C6: variants seen among roughly 807,000 people sequenced by gnomAD.
C6 encodes the protein complement C6.
A neutral mutation model predicts 112.9 loss-of-function variants in C6; 101 were observed. That is an observed-to-expected ratio of 0.89 (90% CI 0.76 to 1.06). C6 has a LOEUF of 1.06. Ranked by LOEUF, C6 falls within the 50% of genes least tolerant of loss-of-function variation. C6 has a pLI of 0.00. For missense variants in C6, 1,202 were observed against 1,104.6 expected (o/e 1.09, Z -1.25); for synonymous variants, 431 against 384.1 (o/e 1.12, Z -1.43).
intron 10 of C6, among the ~76,000 whole-genome samples, 186 bp downstream of exon 10, chr5:41,161,506 GT>G (rs1181430649): frequency 6.6e-6 from 1 of 152,032 alleles, no homozygotes; most frequent in Non-Finnish European, 1.5e-5. Flanking sequence ...TTGAATGCTT[GT>G]TTGAATAGCA....
intron 7 of C6, 32 bp downstream of exon 7, chr5:41,181,327 A>G (rs1345629531): frequency 6.3e-7 from 1 of 1,584,214 alleles, no homozygotes; most frequent in South Asian, 1.1e-5. Context: ...ATTTTCAAGA[A>G]AGAATAAAAG....
In C6 at chr5:41,180,904, A is replaced by T. The variant is rs113710830; in HGVS notation, c.927+455T>A. ...GGAATATAAGAGGAAAAAAATGGAG[A>T]TAGGTAAATGTGCGTGTGTTTACAT... On this transcript the variant is annotated intron_variant, in intron 7 of 17. Transcript: ENST00000337836. Among the ~76,000 whole-genome samples the T allele has an allele frequency of 2.0e-3, 307 of 151,840 alleles. 1 individual carries two copies. Among genetic ancestry groups the T allele is most frequent in the African/African-American group, 7.2e-3 (299 of 41,504 alleles).
intron 1 of C6, among the ~76,000 whole-genome samples, chr5:41,230,219 A>AT (rs1739804336): frequency 6.6e-6 from 1 of 152,162 alleles, no homozygotes; most frequent in South Asian, 2.1e-4. Flanking sequence ...AAAGAACAGC[A>AT]TAACAGGGAA....
At chr5:41,251,245 A>G (rs765255436) in intron 1 of C6, among the ~76,000 whole-genome samples, 12 of 152,200 alleles carry the variant, frequency 7.9e-5, no homozygotes, top group Non-Finnish European at 1.5e-4. Context: ...GGCCAAAAGG[A>G]ACTTATTTAA....
At chr5:41,223,828 T>A (rs892780972) in intron 1 of C6, among the ~76,000 whole-genome samples, 4 of 152,198 alleles carry the variant, frequency 2.6e-5, no homozygotes, top group Non-Finnish European at 5.9e-5. Flanking sequence ...TTCTTTATTT[T>A]CCTTCTCCAG....
intron 17 of C6, among the ~76,000 whole-genome samples, chr5:41,145,497 A>G (rs1580013368): frequency 6.6e-6 from 1 of 152,210 alleles, no homozygotes; most frequent in Non-Finnish European, 1.5e-5. Context: ...CATGTTGCCA[A>G]AATACCTGAG....
chr5:41,254,546 G>A (rs190449385), intron 1 of C6, among the ~76,000 whole-genome samples: 11 of 152,250 alleles, frequency 7.2e-5, no homozygotes, highest in Non-Finnish European at 1.2e-4. Flanking sequence ...TATATCACCA[G>A]CCTCATTATA....
At chr5:41,179,589 T>C (rs1749150674) in intron 7 of C6, among the ~76,000 whole-genome samples, 1 of 151,448 alleles carries the variant, frequency 6.6e-6, no homozygotes, top group Admixed American at 6.6e-5. Flanking sequence ...GATACTATCT[T>C]GTCTTACAAA....
At position 41,246,177 on chromosome 5, in the gene C6, A is replaced by G. The variant is rs535325514; in HGVS notation, c.-21+15017T>C. ...GAACTCCAAATTTTAGTCCCAGTCT[A>G]AAAGTCTGCTACTCTCTTAGTATCT... On this transcript the variant is annotated intron_variant, in intron 1 of 17. Coordinates refer to the C6 transcript ENST00000263413. Among the ~76,000 whole-genome samples the G allele has an allele frequency of 2.6e-5, 4 of 152,302 alleles. No individual in the cohort carries two copies. The South Asian group carries it at 8.3e-4, about 32-fold the overall frequency.
At chr5:41,237,001 C>A (rs1487683432) in intron 1 of C6, among the ~76,000 whole-genome samples, 4 of 151,640 alleles carry the variant, frequency 2.6e-5, no homozygotes, top group Non-Finnish European at 5.9e-5. Context: ...TTCCTCGACA[C>A]ATACACTCTC....
chr5:41,217,649 T>G (rs1752241198), upstream of C6, among the ~76,000 whole-genome samples: 1 of 152,152 alleles, frequency 6.6e-6, no homozygotes, highest in Non-Finnish European at 1.5e-5. Context: ...TTCTTTGGAA[T>G]GGAAAGAAAA....
At chr5:41,256,637 T>C (rs539705016) in intron 1 of C6, among the ~76,000 whole-genome samples, 1 of 152,262 alleles carries the variant, frequency 6.6e-6, no homozygotes, top group East Asian at 1.9e-4. Context: ...ATATAAGTTC[T>C]CTGGCATAAA....
intron 1 of C6, among the ~76,000 whole-genome samples, chr5:41,253,420 G>T (rs747413385): frequency 1.3e-5 from 2 of 151,608 alleles, no homozygotes; most frequent in Non-Finnish European, 2.9e-5. Flanking sequence ...TTGTTACCCT[G>T]CCCTGTGAAC....
chr5:41,158,668 G>A lies in C6; in HGVS notation c.1968+6C>T. The A allele has an allele frequency of 1.9e-6, 3 of 1,540,766 alleles. No individual in the cohort carries two copies. The highest frequency in any genetic ancestry group is 1.1e-5 in the South Asian group (1 of 89,620). On this transcript the variant is annotated splice_donor_region_variant and intron_variant, in intron 13 of 17. Coordinates refer to ENST00000337836, the MANE Select transcript of C6 (RefSeq NM_000065.5). ...ACAAACCAAAAGTGAGGTTTAGGAT[G>A]CTGACCCGGATAAATCCATTTTCTG... is the stretch of plus-strand genomic sequence containing the variant.
chr5:41,161,548 A>T (rs1012856803), intron 10 of C6, 145 bp downstream of exon 10: 10 of 722,438 alleles, frequency 1.4e-5, no homozygotes, highest in Non-Finnish European at 2.2e-5. Context: ...TAACATTTAA[A>T]AAAAGGTACA....
intron 1 of C6, among the ~76,000 whole-genome samples, chr5:41,238,444 A>G (rs1445301349): frequency 6.6e-6 from 1 of 152,222 alleles, no homozygotes; most frequent in Non-Finnish European, 1.5e-5. Context: ...TTCTTTATTA[A>G]TAAATAATAA....
At chr5:41,174,380 C>G (rs1486316420) in intron 8 of C6, among the ~76,000 whole-genome samples, 5 of 152,094 alleles carry the variant, frequency 3.3e-5, no homozygotes, top group African/African-American at 9.7e-5. Flanking sequence ...CTTTAGCTAC[C>G]CTGATGCGTA....
chr5:41,259,216 C>T (rs1027774289), intron 1 of C6, among the ~76,000 whole-genome samples: 4 of 152,100 alleles, frequency 2.6e-5, no homozygotes. Flanking sequence ...ATGATTAAAT[C>T]AAATGTTTGA....
chr5:41,147,993 T>C (rs748768033), intron 17 of C6, among the ~76,000 whole-genome samples: 10 of 152,212 alleles, frequency 6.6e-5, no homozygotes, highest in Non-Finnish European at 1.3e-4. Context: ...GTCTTTACTA[T>C]ATGTTCTAGG....
Sources: gnomAD v4.1 joint callset for allele counts (sites outside exome capture counted in the v4.1 genomes callset) on GRCh38, gnomAD v4.1.1 for gene constraint, MANE v1.5 for transcripts, NCBI Gene and HGNC (gene_info 2026-07-23, HGNC 2026-07-21) for gene names.